The following UFSP2 variants were observed in gnomAD, a reference collection of about 807,000 sequenced individuals.
UFSP2 encodes the protein UFM1 specific peptidase 2.
UFSP2 carries 43 observed loss-of-function variants against 60.2 expected under a neutral mutation model. That is an observed-to-expected ratio of 0.71 (90% CI 0.56 to 0.92). UFSP2 has a LOEUF of 0.92. Among genes scored for constraint, UFSP2 ranks in the 40% least tolerant of loss-of-function variants. The pLI is 0.00. For synonymous variants in UFSP2, 183 were observed against 195.1 expected, an observed-to-expected ratio of 0.94 and a Z score of 0.52; for missense variants, 520 against 575.0, an observed-to-expected ratio of 0.90 and a Z score of 0.98.
Position 185,401,544 on chromosome 4 carries a change from C to T in UFSP2, c.1324-1066G>A, listed in dbSNP as rs145779193. 4.3e-3 allele frequency among the ~76,000 whole-genome samples: 650 copies of T among 152,224 alleles called. 5 individuals carry two copies. The highest frequency in any genetic ancestry group is 0.015 in the African/African-American group (626 of 41,514). On this transcript the variant is annotated intron_variant, in intron 11 of 11. Coordinates refer to ENST00000264689, the MANE Select transcript of UFSP2 (RefSeq NM_018359.5). ...CATAGTGCATAGGACATGCTTCTTT[C>T]CTGTGAGATGACCAGCATGGGAACT...
chr4:185,409,739 G>A (rs2095526005), intron 7 of UFSP2, among the ~76,000 whole-genome samples: 1 of 152,210 alleles, frequency 6.6e-6, no homozygotes, highest in African/African-American at 2.4e-5. Context: ...TCATAGACGT[G>A]ATTAAGGATC....
In UFSP2 at chr4:185,403,255, C is replaced by T. The variant is rs117129624; in HGVS notation, c.1323+239G>A. ...AAGGAATATATTTATGAGTGTGTGT[C>T]CTATTATTAATTTTAATAGCTGAGA... On this transcript the variant is annotated intron_variant, in intron 11 of 11. Coordinates refer to ENST00000264689, the MANE Select transcript of UFSP2 (RefSeq NM_018359.5). Among the ~76,000 whole-genome samples the T allele has an allele frequency of 7.1e-3, 1,080 of 152,240 alleles. 17 individuals are homozygous for T. The highest frequency in any genetic ancestry group is 0.053 in the South Asian group (258 of 4,832).
rs554843377 is a variant in UFSP2, at chr4:185,407,906, G to T, written c.1121+30C>A. 4.7e-4 allele frequency: 742 copies of T among 1,591,442 alleles called. 9 individuals are homozygous for T. In the South Asian group the frequency reaches 8.3e-3, roughly 18 times the overall value. On this transcript the variant is annotated intron_variant, in intron 9 of 11. Coordinates refer to ENST00000264689, the MANE Select transcript of UFSP2 (RefSeq NM_018359.5). Reference sequence around the variant, plus strand: ...AAATGACAGACTGTCACTTTGAAATGATTTATCTAATTTCTTAAAGTGTGC... The same window carrying T: ...AAATGACAGACTGTCACTTTGAAATTATTTATCTAATTTCTTAAAGTGTGC...
chr4:185,425,502 G>C (rs534319492), intron 1 of UFSP2, among the ~76,000 whole-genome samples: 1 of 152,160 alleles, frequency 6.6e-6, no homozygotes, highest in Admixed American at 6.5e-5. Context: ...AGAAACCAGG[G>C]GAGGGAAATA....
At chr4:185,418,071 C>T (rs1020111662) in intron 4 of UFSP2, among the ~76,000 whole-genome samples, 2 of 151,700 alleles carry the variant, frequency 1.3e-5, no homozygotes, top group Non-Finnish European at 2.9e-5. Flanking sequence ...CACACACAAA[C>T]AACAGAACCA....
intron 2 of UFSP2, among the ~76,000 whole-genome samples, chr4:185,421,594 T>C (rs1445388698): frequency 6.6e-6 from 1 of 152,206 alleles, no homozygotes; most frequent in African/African-American, 2.4e-5. Flanking sequence ...ATTGAAAGTT[T>C]CCTGAGCCTC....
chr4:185,418,676 T>C lies in UFSP2; in HGVS notation c.177A>G (p.Ser59=), dbSNP rs1426576750. The change falls in exon 3 of 12, where the codon TCA becomes TCG. Residue 59 remains serine, a synonymous_variant. Coordinates refer to ENST00000264689, the MANE Select transcript of UFSP2 (RefSeq NM_018359.5). ...TGTCACTGCTAGGCCATATATACAC[T>C]GAACTGTGGCAAATTCTGAACACAA... The part of the protein sequence containing the change: ...NALVFRICHS[S]VYIWPSSDIN... 3.7e-6 allele frequency: 6 copies of C among 1,614,056 alleles called. No homozygotes were observed. The highest frequency in any genetic ancestry group is 5.1e-6 in the Non-Finnish European group (6 of 1,179,996).
At position 185,418,436 on chromosome 4, in the gene UFSP2, C is replaced by T; in HGVS notation, c.333+5G>A. The T allele has an allele frequency of 6.3e-7, 1 of 1,598,924 alleles. No homozygotes were observed. ...ATCAGTACAGAAGACAGATAGTTTGCTTACCATGTCTGATAACTTTTTGTC... is the reference window on the plus strand; with the variant it reads ...ATCAGTACAGAAGACAGATAGTTTGTTTACCATGTCTGATAACTTTTTGTC... On this transcript the variant is annotated splice_donor_5th_base_variant and intron_variant, in intron 4 of 11. Transcript: ENST00000264689.
At chr4:185,410,561 T>C (rs980659942) in intron 7 of UFSP2, among the ~76,000 whole-genome samples, 4 of 151,992 alleles carry the variant, frequency 2.6e-5, no homozygotes, top group African/African-American at 4.8e-5. Flanking sequence ...GGCAGGAGAA[T>C]TGCCTGAACC....
chr4:185,407,991 C>T lies in UFSP2; in HGVS notation c.1066G>A (p.Val356Met), dbSNP rs762244143. Residue 356 changes from valine (V) to methionine (M), a missense_variant, in exon 9 of 12, where the codon GTG (valine) becomes ATG (methionine). Coordinates refer to ENST00000264689, the MANE Select transcript of UFSP2 (RefSeq NM_018359.5). ...ATCAATTGGTTTAGTACCAGCTGCA[C>T]CTCAATAGATCCAATCCATTGCCGC... ...GSRQWIGSIE[V>M]QLVLNQLIGI... 2.5e-6 allele frequency: 4 copies of T among 1,614,122 alleles called. No homozygotes were observed. In the African/African-American group the frequency reaches 4.0e-5, roughly 16 times the overall value.
At position 185,404,596 on chromosome 4, in the gene UFSP2, C is replaced by CT. The variant is rs879610033; in HGVS notation, c.1199-979dup. On this transcript the variant is annotated intron_variant, in intron 10 of 11. Coordinates refer to ENST00000264689, the MANE Select transcript of UFSP2 (RefSeq NM_018359.5). The stretch of plus-strand genomic sequence containing the variant: ...ACAGGCGTGAGCCACTGTGCCCAGT[C>CT]TTTTTTTTTGAGACAGAGTCTTGCT... Among the ~76,000 whole-genome samples the CT allele has an allele frequency of 3.1e-3, 451 of 147,340 alleles. 1 individual carries two copies. Among genetic ancestry groups the CT allele is most frequent in the Non-Finnish European group, 4.7e-3 (316 of 66,564 alleles).
In UFSP2 at chr4:185,399,767, A is replaced by G. The variant is rs1209472916; in HGVS notation, c.*625T>C. 2 of 1,613,952 alleles carry G rather than the reference A, an allele frequency of 1.2e-6. No homozygotes were observed. Among genetic ancestry groups the G allele is most frequent in the African/African-American group, 2.7e-5 (2 of 74,936 alleles). On this transcript the variant is annotated 3_prime_UTR_variant, in exon 12 of 12. Coordinates refer to ENST00000264689, the MANE Select transcript of UFSP2 (RefSeq NM_018359.5). ...GTAGAAAATACCAGTGGGAAAAGGA[A>G]GTGCTGGTAAGTAACTCAGAGCTGC...
Position 185,408,137 on chromosome 4 carries a change from TTACCAG to T in UFSP2, c.997-83_997-78del, listed in dbSNP as rs975791262. On this transcript the variant is annotated intron_variant, in intron 8 of 11. Coordinates refer to ENST00000264689, the MANE Select transcript of UFSP2 (RefSeq NM_018359.5). Reference sequence around the variant, plus strand: ...ACGATGTTTAGGGCATTTTCCCTGATTACCAGTACAAGAATTTTTTTTTCTTCAAAA... The same window carrying T: ...ACGATGTTTAGGGCATTTTCCCTGATTACAAGAATTTTTTTTTCTTCAAAA... 3.2e-5 allele frequency: 49 copies of T among 1,554,558 alleles called. No individual in the cohort carries two copies. In the African/African-American group the frequency reaches 5.4e-4, roughly 17 times the overall value.
At chr4:185,407,907 A>C (rs2095523156) in intron 9 of UFSP2, 29 bp downstream of exon 9, 1 of 1,592,722 alleles carries the variant, frequency 6.3e-7, no homozygotes, top group African/African-American at 1.3e-5. Flanking sequence ...CTTTGAAATG[A>C]TTTATCTAAT....
At chr4:185,421,085 G>T (rs577763494) in intron 2 of UFSP2, among the ~76,000 whole-genome samples, 10 of 152,260 alleles carry the variant, frequency 6.6e-5, no homozygotes, top group South Asian at 2.1e-4. Flanking sequence ...TAGTAAAATG[G>T]TTCTCATCTT....
At chr4:185,400,915 ACT>A (rs1427068937) in intron 11 of UFSP2, among the ~76,000 whole-genome samples, 1 of 152,076 alleles carries the variant, frequency 6.6e-6, no homozygotes, top group Admixed American at 6.5e-5. Context: ...CCTGCCTGGC[ACT>A]CTGTGCCCTT....
chr4:185,418,720 T>C lies in UFSP2; in HGVS notation c.133A>G (p.Lys45Glu). Residue 45 changes from lysine (K) to glutamate (E), a missense_variant, in exon 3 of 12, where the codon AAG (lysine) becomes GAG (glutamate). Coordinates refer to ENST00000264689, the MANE Select transcript of UFSP2 (RefSeq NM_018359.5). ...AACACAAGGGCGTTTGAAGACAGCTTAGTTGACAGGTCACTCAACACATGT... is the reference window on the plus strand; with the variant it reads ...AACACAAGGGCGTTTGAAGACAGCTCAGTTGACAGGTCACTCAACACATGT... ...LKHVLSDLST[K>E]LSSNALVFRI... 6.2e-7 allele frequency: 1 copy of C among 1,613,568 alleles called. No homozygotes were observed. The highest frequency in any genetic ancestry group is 8.5e-7 in the Non-Finnish European group (1 of 1,179,850).
At chr4:185,419,730 T>C (rs1400248417) in intron 2 of UFSP2, among the ~76,000 whole-genome samples, 2 of 152,238 alleles carry the variant, frequency 1.3e-5, no homozygotes, top group Non-Finnish European at 2.9e-5. Context: ...TTCTTCTGTA[T>C]TGTAGCATGA....
chr4:185,424,856 TATGAAG>T (rs1174088296), intron 1 of UFSP2, among the ~76,000 whole-genome samples: 1 of 152,236 alleles, frequency 6.6e-6, no homozygotes, highest in African/African-American at 2.4e-5. Context: ...CCAGGGTTGT[TATGAAG>T]ATTCCACAAG....
Sources: gnomAD v4.1 joint callset for allele counts (sites outside exome capture counted in the v4.1 genomes callset) on GRCh38, gnomAD v4.1.1 for gene constraint, MANE v1.5 for transcripts, NCBI Gene and HGNC (gene_info 2026-07-23, HGNC 2026-07-21) for gene names.